ZNF778: variants seen among roughly 807,000 people sequenced by gnomAD.
The protein encoded by ZNF778 is zinc finger protein 778.
In ZNF778, 37 loss-of-function variants were observed where a neutral mutation model predicts 23.9. That is an observed-to-expected ratio of 1.54 (90% CI 1.19 to 2.03). The LOEUF (loss-of-function observed/expected upper bound fraction) is 2.03. Ranked by LOEUF, ZNF778 falls within the 30% of genes most tolerant of loss-of-function variation. The probability of loss-of-function intolerance (pLI) is 0.00; values close to 1 mark genes in which losing one functional copy is unlikely to be tolerated. For synonymous variants in ZNF778, 483 were observed against 343.9 expected (o/e 1.40, Z -4.48); for missense variants, 1,297 against 934.4 (o/e 1.39, Z -5.06).
At chr16:89,221,612 T>TGTGTGTG (rs2030957009) in intron 2 of ZNF778, among the ~76,000 whole-genome samples, 1 of 133,152 alleles carries the variant, frequency 7.5e-6, no homozygotes, top group Non-Finnish European at 1.6e-5. Context: ...TGTGTGTGTG[T>TGTGTGTG]ATTTTCCTGA....
Position 89,234,234 on chromosome 16 carries a change from A to G in ZNF778, c.*5672A>G. The G allele has an allele frequency of 2.8e-6, 1 of 359,014 alleles. No homozygotes were observed. Among genetic ancestry groups the G allele is most frequent in the South Asian group, 2.1e-5 (1 of 48,228 alleles). The allele number at this position is 359,014 out of a possible 1,614,324, so 22.2% of individuals were successfully genotyped here. A position where few individuals can be genotyped will look rare whatever the true frequency, so the allele number is the denominator to read the frequency against. Reference sequence around the variant, plus strand: ...TTCCTCATAGTCTCTCTACCTAAGCACATGTCTGTGACAAGGTCTTACCCA... The same window carrying G: ...TTCCTCATAGTCTCTCTACCTAAGCGCATGTCTGTGACAAGGTCTTACCCA... On this transcript the variant is annotated 3_prime_UTR_variant, in exon 7 of 7. Coordinates refer to ENST00000433976, the MANE Select transcript of ZNF778 (RefSeq NM_001201407.2).
At position 89,226,715 on chromosome 16, in the gene ZNF778, C is replaced by G. The variant is rs756342020; in HGVS notation, c.427C>G (p.Gln143Glu). 1 of 1,611,896 alleles carries G rather than the reference C, an allele frequency of 6.2e-7. No homozygotes were observed. Among genetic ancestry groups the G allele is most frequent in the Admixed American group, 1.7e-5 (1 of 59,860 alleles). The change falls in exon 7 of 7, where the codon CAG becomes GAG. Residue 143 changes from glutamine (Q) to glutamate (E), a missense_variant. Gln to Glu is a conservative substitution (Grantham distance 29). Transcript: ENST00000433976. The part of the protein sequence containing the change: ...TQTARSHNGG[Q>E]LCDRTQCGEA... ...ACAGGCAAGAAGCCACAATGGAGGG[C>G]AGCTCTGTGACCGCACGCAGTGTGG...
At chr16:89,220,215 T>C (rs796935376) in intron 1 of ZNF778, among the ~76,000 whole-genome samples, 5 of 152,314 alleles carry the variant, frequency 3.3e-5, no homozygotes, top group African/African-American at 1.2e-4. Context: ...CACCTAGTAG[T>C]AAGTACAGTT....
rs947766375 is a variant in ZNF778, at chr16:89,234,183, G to C, written c.*5621G>C. On this transcript the variant is annotated 3_prime_UTR_variant, in exon 7 of 7. Transcript: ENST00000433976. ...CACTCACTCACCTTGACGAGTCCGC[G>C]TCTAGGCCCCACCAGTGGTGTGGTT... 5.1e-6 allele frequency: 2 copies of C among 388,856 alleles called. No individual in the cohort carries two copies. Among genetic ancestry groups the C allele is most frequent in the South Asian group, 3.8e-5 (2 of 52,472 alleles). 24.1% of individuals were successfully genotyped at this position (388,856 alleles called of 1,614,324 possible). A position where few individuals can be genotyped will look rare whatever the true frequency, so the allele number is the denominator to read the frequency against.
Position 89,236,386 on chromosome 16 carries a change from C to T in ZNF778, c.*7824C>T, listed in dbSNP as rs2032237205. ...TTCTGAAATAAAAAGAAATGCCAAC[C>T]CAGATTGCTATATCCAACAAAATAT... On this transcript the variant is annotated 3_prime_UTR_variant, in exon 7 of 7. Transcript: ENST00000433976. 6.6e-6 allele frequency: 1 copy of T among 152,040 alleles called. No individual in the cohort carries two copies. The allele number at this position is 152,040 out of a possible 1,614,324, so 9.4% of individuals were successfully genotyped here. A position where few individuals can be genotyped will look rare whatever the true frequency, so the allele number is the denominator to read the frequency against.
At position 89,235,390 on chromosome 16, in the gene ZNF778, C is replaced by T; in HGVS notation, c.*6828C>T. The T allele has an allele frequency of 6.6e-6, 1 of 152,188 alleles. No individual in the cohort carries two copies. Among genetic ancestry groups the T allele is most frequent in the African/African-American group, 2.4e-5 (1 of 41,438 alleles). 9.4% of individuals were successfully genotyped at this position (152,188 alleles called of 1,614,324 possible). ...CCAGGCAGTCCTGCAGCAGCAAACA[C>T]ATCATCAGCCTTAGGAGCTGGCCTG... On this transcript the variant is annotated 3_prime_UTR_variant, in exon 7 of 7. Transcript: ENST00000433976.
rs1427145144 is a variant in ZNF778 at position 89,220,996 on chromosome 16, G to C, written c.-131-1G>C. On this transcript the variant is annotated splice_acceptor_variant, in intron 1 of 6. Coordinates refer to ENST00000433976, the MANE Select transcript of ZNF778 (RefSeq NM_001201407.2). LOFTEE classifies it low-confidence loss of function (5UTR_SPLICE). Reference sequence around the variant, plus strand: ...TAATGCTTCTTCATCATGATTGCTAGGAAATAGGGATCCAGCCATCCGTGG... The same window carrying C: ...TAATGCTTCTTCATCATGATTGCTACGAAATAGGGATCCAGCCATCCGTGG... 2 of 931,680 alleles carry C rather than the reference G, an allele frequency of 2.1e-6. No individual in the cohort carries two copies. The highest frequency in any genetic ancestry group is 2.2e-4 in the Middle Eastern group (1 of 4,580). The allele number at this position is 931,680 out of a possible 1,614,324, so 57.7% of individuals were successfully genotyped here.
chr16:89,218,353 C>T (rs1004215720), intron 1 of ZNF778: 1 of 152,198 alleles, frequency 6.6e-6, no homozygotes, highest in African/African-American at 2.4e-5. Context: ...AATAAATAAA[C>T]CTTACGGTGA....
At position 89,235,272 on chromosome 16, in the gene ZNF778, C is replaced by T. The variant is rs2032204188; in HGVS notation, c.*6710C>T. On this transcript the variant is annotated 3_prime_UTR_variant, in exon 7 of 7. Coordinates refer to ENST00000433976, the MANE Select transcript of ZNF778 (RefSeq NM_001201407.2). ...CCAGATCGGGGCCTCATGCTGACTTCCGTTTTCACACAACGAGTGGGAAAC... is the reference window on the plus strand; with the variant it reads ...CCAGATCGGGGCCTCATGCTGACTTTCGTTTTCACACAACGAGTGGGAAAC... The T allele has an allele frequency of 6.6e-6, 1 of 151,458 alleles. No individual in the cohort carries two copies. The highest frequency in any genetic ancestry group is 2.0e-4 in the East Asian group (1 of 5,030). 9.4% of individuals were successfully genotyped at this position (151,458 alleles called of 1,614,324 possible).
At position 89,230,374 on chromosome 16, in the gene ZNF778, A is replaced by C. The variant is rs1043972571; in HGVS notation, c.*1812A>C. 5.9e-5 allele frequency: 9 copies of C among 152,338 alleles called. No individual in the cohort carries two copies. The highest frequency in any genetic ancestry group is 2.0e-4 in the Admixed American group (3 of 15,268). 9.4% of individuals were successfully genotyped at this position (152,338 alleles called of 1,614,324 possible). On this transcript the variant is annotated 3_prime_UTR_variant, in exon 7 of 7. Transcript: ENST00000433976. ...CCTGAGTGTCCTTGTTGACCTCCAG[A>C]TCCTCTTCACAGCATGCAGAGCGGT...
rs569936224 is a variant in ZNF778, at chr16:89,222,263, T to A, written c.117+80T>A. On this transcript the variant is annotated intron_variant, in intron 3 of 6. Coordinates refer to ENST00000433976, the MANE Select transcript of ZNF778 (RefSeq NM_001201407.2). The stretch of plus-strand genomic sequence containing the variant: ...ACAAGTTTCTGTCTGAGCAGACTTG[T>A]CTGCACAGCCTCACTCAAGGACCGA... 1.2e-4 allele frequency: 140 copies of A among 1,121,384 alleles called. 1 individual carries two copies. In the African/African-American group the frequency reaches 2.0e-3, roughly 16 times the overall value. 69.5% of individuals were successfully genotyped at this position (1,121,384 alleles called of 1,614,324 possible). A position where few individuals can be genotyped will look rare whatever the true frequency, so the allele number is the denominator to read the frequency against.
intron 4 of ZNF778, among the ~76,000 whole-genome samples, chr16:89,224,108 C>G (rs2031236228): frequency 6.6e-6 from 1 of 151,650 alleles, no homozygotes; most frequent in African/African-American, 2.4e-5. Flanking sequence ...GTAATCCGAG[C>G]ACTCTGGGAG....
At chr16:89,225,453 C>T in intron 5 of ZNF778, 102 bp from the exon 6 acceptor site, 2 of 959,134 alleles carry the variant, frequency 2.1e-6, no homozygotes, top group Non-Finnish European at 3.1e-6. Context: ...TAGCCAAACT[C>T]CTTAAATCTA....
rs552990063 is a variant in ZNF778, at chr16:89,226,798, A to G, written c.510A>G (p.Gly170=). 3 of 1,614,010 alleles carry G rather than the reference A, an allele frequency of 1.9e-6. No homozygotes were observed. The Admixed American group carries it at 5.0e-5, about 27-fold the overall frequency. The change falls in exon 7 of 7, where the codon GGA becomes GGG. Residue 170 remains glycine (G), a synonymous_variant. Transcript: ENST00000433976. ...LSTHVRTQNT[G]DSCVSNHYER... is the part of the protein sequence containing the mutation. ...CACACGTGAGAACTCAAAATACAGG[A>G]GACAGTTGTGTGTCTAATCATTATG...
rs902343920 is a variant in ZNF778 at position 89,230,149 on chromosome 16, T to C, written c.*1587T>C. On this transcript the variant is annotated 3_prime_UTR_variant, in exon 7 of 7. Coordinates refer to ENST00000433976, the MANE Select transcript of ZNF778 (RefSeq NM_001201407.2). ...GTTGGGGCATAACACAGCTCTACAT[T>C]TTATGAAAATGCCCTTGTTCCTCTC... 6 of 626,360 alleles carry C rather than the reference T, an allele frequency of 9.6e-6. No individual in the cohort carries two copies. The highest frequency in any genetic ancestry group is 1.2e-5 in the Non-Finnish European group (6 of 503,390). The allele number at this position is 626,360 out of a possible 1,614,324, so 38.8% of individuals were successfully genotyped here. A position where few individuals can be genotyped will look rare whatever the true frequency, so the allele number is the denominator to read the frequency against.
In ZNF778 at chr16:89,228,798, A is replaced by G; in HGVS notation, c.*236A>G. ...GTATCCAGTAGAGAGAACTCTATTG[A>G]TGTGTGATATGCAGCAGCATTGTTG... On this transcript the variant is annotated 3_prime_UTR_variant, in exon 7 of 7. Coordinates refer to ENST00000433976, the MANE Select transcript of ZNF778 (RefSeq NM_001201407.2). 1 of 1,284,690 alleles carries G rather than the reference A, an allele frequency of 7.8e-7. No individual in the cohort carries two copies. Among genetic ancestry groups the G allele is most frequent in the Non-Finnish European group, 9.8e-7 (1 of 1,016,314 alleles). 79.6% of individuals were successfully genotyped at this position (1,284,690 alleles called of 1,614,324 possible). A position where few individuals can be genotyped will look rare whatever the true frequency, so the allele number is the denominator to read the frequency against.
At position 89,228,770 on chromosome 16, in the gene ZNF778, A is replaced by T. The variant is rs1315323265; in HGVS notation, c.*208A>T. The T allele has an allele frequency of 1.5e-6, 2 of 1,372,492 alleles. No homozygotes were observed. Among genetic ancestry groups the T allele is most frequent in the Non-Finnish European group, 1.9e-6 (2 of 1,067,120 alleles). The allele number at this position is 1,372,492 out of a possible 1,614,324, so 85.0% of individuals were successfully genotyped here. On this transcript the variant is annotated 3_prime_UTR_variant, in exon 7 of 7. Transcript: ENST00000433976. Reference sequence around the variant, plus strand: ...TTCTCTAAGGTCTTGCTGAATATGGATGGTATCCAGTAGAGAGAACTCTAT... The same window carrying T: ...TTCTCTAAGGTCTTGCTGAATATGGTTGGTATCCAGTAGAGAGAACTCTAT...
intron 2 of ZNF778, among the ~76,000 whole-genome samples, chr16:89,221,386 G>A (rs1440997038): frequency 2.0e-5 from 3 of 152,152 alleles, no homozygotes; most frequent in African/African-American, 4.8e-5. Flanking sequence ...GAAGAGTCAC[G>A]TTCCTCAAGG....
chr16:89,220,321 C>G (rs2030798053), intron 1 of ZNF778, among the ~76,000 whole-genome samples: 1 of 152,188 alleles, frequency 6.6e-6, no homozygotes, highest in African/African-American at 2.4e-5. Flanking sequence ...CTAGACCTAC[C>G]TTTGTCCTGC....
Sources: gnomAD v4.1 joint callset for allele counts (sites outside exome capture counted in the v4.1 genomes callset) on GRCh38, gnomAD v4.1.1 for gene constraint, MANE v1.5 for transcripts, NCBI Gene and HGNC (gene_info 2026-07-23, HGNC 2026-07-21) for gene names.